UNC5C: variants seen among roughly 807,000 people sequenced by gnomAD.
UNC5C encodes the protein unc-5 netrin receptor C.
Under a neutral mutation model 99.8 loss-of-function variants are expected in UNC5C, and 47 were observed. The ratio of observed to expected loss-of-function variants is 0.47; its 90% confidence interval spans 0.37 to 0.60. UNC5C has a LOEUF of 0.60. Ranked by LOEUF, UNC5C falls within the 20% of genes least tolerant of loss-of-function variation. The probability of loss-of-function intolerance (pLI) is 0.00; values close to 1 mark genes in which losing one functional copy is unlikely to be tolerated. For synonymous variants in UNC5C, 487 were observed against 452.2 expected (o/e 1.08, Z -0.98); for missense variants, 1,062 against 1,165.9 (o/e 0.91, Z 1.30).
Position 95,545,772 on chromosome 4 carries a change from G to GCGCACACACACACACACACA in UNC5C, c.124+2961_124+2962insTGTGTGTGTGTGTGTGTGCG, listed in dbSNP as rs6148582. On this transcript the variant is annotated intron_variant, in intron 1 of 15. Transcript: ENST00000453304. ...TGATCTCACACACACGCGCGCGCGC[G>GCGCACACACACACACACACA]CACACACACACACACACACACACTG... Among the ~76,000 whole-genome samples the GCGCACACACACACACACACA allele has an allele frequency of 5.2e-3, 777 of 148,366 alleles. 3 individuals carry two copies. Among genetic ancestry groups the GCGCACACACACACACACACA allele is most frequent in the South Asian group, 0.011 (53 of 4,688 alleles).
At chr4:95,440,412 C>T (rs1746914669) in intron 1 of UNC5C, among the ~76,000 whole-genome samples, 2 of 152,086 alleles carry the variant, frequency 1.3e-5, no homozygotes, top group Admixed American at 1.3e-4. Context: ...ATTTTTTCAA[C>T]CTTCATTAAC....
intron 1 of UNC5C, among the ~76,000 whole-genome samples, chr4:95,397,215 G>A (rs1047189973): frequency 6.6e-6 from 1 of 152,124 alleles, no homozygotes; most frequent in Admixed American, 6.5e-5. Flanking sequence ...AAATGTAAGT[G>A]CTTTACACAA....
intron 1 of UNC5C, among the ~76,000 whole-genome samples, chr4:95,336,964 T>C (rs1206790341): frequency 6.6e-6 from 1 of 151,930 alleles, no homozygotes; most frequent in Non-Finnish European, 1.5e-5. Flanking sequence ...CTTTAGTCAA[T>C]ATGCAAGAAC....
chr4:95,182,785 G>T, intron 14 of UNC5C, 112 bp downstream of exon 14: 1 of 1,182,860 alleles, frequency 8.5e-7, no homozygotes, highest in South Asian at 2.5e-5. Context: ...TCTATAGAAA[G>T]CTTTTGAGGA....
At position 95,169,320 on chromosome 4, in the gene UNC5C, C is replaced by T. The variant is rs775839267; in HGVS notation, c.2710G>A (p.Gly904Arg). The part of the protein sequence containing the change: ...DLWEAQNFPD[G>R]NLSMLAAVLE... Reference sequence around the variant, plus strand: ...ACAGCTGCCAGCATGCTCAGGTTTCCATCTGGGAAGTTCTGTGCTTCCCAA... The same window carrying T: ...ACAGCTGCCAGCATGCTCAGGTTTCTATCTGGGAAGTTCTGTGCTTCCCAA... The change falls in exon 16 of 16, where the codon GGA (glycine) becomes AGA (arginine). Residue 904 changes from glycine (G) to arginine (R), a missense_variant. Coordinates refer to ENST00000453304, the MANE Select transcript of UNC5C (RefSeq NM_003728.4). 6 of 1,614,226 alleles carry T rather than the reference C, an allele frequency of 3.7e-6. No individual in the cohort carries two copies. The highest frequency in any genetic ancestry group is 5.1e-6 in the Non-Finnish European group (6 of 1,180,046).
intron 4 of UNC5C, among the ~76,000 whole-genome samples, chr4:95,277,192 G>A (rs572120737): frequency 6.6e-6 from 1 of 152,266 alleles, no homozygotes; most frequent in Admixed American, 6.5e-5. Flanking sequence ...CACAACTTCA[G>A]GGCTTAATTT....
intron 1 of UNC5C, among the ~76,000 whole-genome samples, chr4:95,498,476 C>T (rs1238234783): frequency 6.6e-6 from 1 of 151,934 alleles, no homozygotes; most frequent in Non-Finnish European, 1.5e-5. Flanking sequence ...TCCATCTTTT[C>T]TAAAAACACT....
chr4:95,408,622 A>G (rs1745891980), intron 1 of UNC5C, among the ~76,000 whole-genome samples: 1 of 152,212 alleles, frequency 6.6e-6, no homozygotes, highest in Admixed American at 6.5e-5. Flanking sequence ...GAACCGTTTA[A>G]TAAGAAAGAG....
chr4:95,466,466 G>A (rs1279908192), intron 1 of UNC5C, among the ~76,000 whole-genome samples: 1 of 152,064 alleles, frequency 6.6e-6, no homozygotes, highest in Non-Finnish European at 1.5e-5. Flanking sequence ...TTTAATTAAA[G>A]GAATAAATAC....
chr4:95,236,749 G>A (rs1388927763), intron 7 of UNC5C, among the ~76,000 whole-genome samples: 1 of 151,982 alleles, frequency 6.6e-6, no homozygotes, highest in African/African-American at 2.4e-5. Flanking sequence ...TCCATATTCT[G>A]CTTTTCCATG....
intron 1 of UNC5C, among the ~76,000 whole-genome samples, chr4:95,467,860 C>T (rs906861134): frequency 2.0e-5 from 3 of 151,920 alleles, no homozygotes; most frequent in African/African-American, 7.3e-5. Flanking sequence ...TGTATTTTTA[C>T]AATAAGGAAA....
At chr4:95,342,706 G>C (rs1045127303) in intron 1 of UNC5C, among the ~76,000 whole-genome samples, 1 of 151,998 alleles carries the variant, frequency 6.6e-6, no homozygotes, top group Non-Finnish European at 1.5e-5. Context: ...CAGTGGGACA[G>C]AGCACCACAT....
At chr4:95,434,590 C>G (rs887956072) in intron 1 of UNC5C, among the ~76,000 whole-genome samples, 1 of 151,984 alleles carries the variant, frequency 6.6e-6, no homozygotes, top group Non-Finnish European at 1.5e-5. Flanking sequence ...TGTGAACTCC[C>G]TTTCACTTTT....
Position 95,165,864 on chromosome 4 carries a change from A to G in UNC5C, c.*3370T>C, listed in dbSNP as rs1481409216. 9 of 152,330 alleles carry G rather than the reference A, an allele frequency of 5.9e-5. No homozygotes were observed. Among genetic ancestry groups the G allele is most frequent in the Admixed American group, 2.6e-4 (4 of 15,306 alleles). 9.4% of individuals were successfully genotyped at this position (152,330 alleles called of 1,614,324 possible). ...AAAGACTGTTTTATATAGATTTTAC[A>G]TAGTTCTGTTACAAGAAGCAACTGA... On this transcript the variant is annotated 3_prime_UTR_variant, in exon 16 of 16. Transcript: ENST00000453304.
intron 1 of UNC5C, among the ~76,000 whole-genome samples, chr4:95,417,560 T>C (rs1746202931): frequency 6.6e-6 from 1 of 152,216 alleles, no homozygotes; most frequent in South Asian, 2.1e-4. Flanking sequence ...GAGGCAAGCA[T>C]CTTCAGTTCC....
At chr4:95,300,367 C>T (rs1429212490) in intron 3 of UNC5C, among the ~76,000 whole-genome samples, 1 of 152,128 alleles carries the variant, frequency 6.6e-6, no homozygotes, top group African/African-American at 2.4e-5. Flanking sequence ...AAATATATTT[C>T]TTACATTTAT....
chr4:95,432,624 G>A (rs1746663971), intron 1 of UNC5C, among the ~76,000 whole-genome samples: 1 of 152,020 alleles, frequency 6.6e-6, no homozygotes, highest in African/African-American at 2.4e-5. Flanking sequence ...AACCCTGTTT[G>A]GGGCTGGAAT....
At chr4:95,498,060 T>C (rs1721676677) in intron 1 of UNC5C, among the ~76,000 whole-genome samples, 1 of 151,958 alleles carries the variant, frequency 6.6e-6, no homozygotes, top group Non-Finnish European at 1.5e-5. Flanking sequence ...TGTTTTCTTA[T>C]CTGTAAAATG....
intron 1 of UNC5C, among the ~76,000 whole-genome samples, chr4:95,442,112 C>T (rs146312215): frequency 6.6e-5 from 10 of 152,190 alleles, no homozygotes; most frequent in South Asian, 2.1e-4. Context: ...ACAGTAGTAG[C>T]GCAGGGGTAG....
Sources: allele counts gnomAD v4.1 joint callset (sites outside exome capture counted in the v4.1 genomes callset), GRCh38; gene constraint gnomAD v4.1.1; transcripts MANE v1.5; gene names NCBI Gene and HGNC (gene_info 2026-07-23, HGNC 2026-07-21).